The following GBE1 variants were observed in gnomAD, a reference collection of about 807,000 sequenced individuals.
GBE1 encodes the protein 1,4-alpha-glucan-branching enzyme.
GBE1 carries 70 observed loss-of-function variants against 88.8 expected under a neutral mutation model. The ratio of observed to expected loss-of-function variants is 0.79; its 90% CI spans 0.65 to 0.96. The LOEUF (loss-of-function observed/expected upper bound fraction) is 0.96. Among genes scored for constraint, GBE1 ranks in the 40% least tolerant of loss-of-function variants. The probability of loss-of-function intolerance (pLI) is 0.00; values close to 1 mark genes in which losing one functional copy is unlikely to be tolerated. For synonymous variants in GBE1, 284 were observed against 300.1 expected (o/e 0.95, Z 0.56); for missense variants, 872 against 871.0 (o/e 1.00, Z -0.01).
chr3:81,504,207 A>T (rs747335139), intron 14 of GBE1, among the ~76,000 whole-genome samples: 4 of 152,196 alleles, frequency 2.6e-5, no homozygotes, highest in Non-Finnish European at 4.4e-5. Context: ...AATATCCAAA[A>T]CATATCACAT....
At chr3:81,693,839 A>C (rs1266687755) in intron 2 of GBE1, among the ~76,000 whole-genome samples, 1 of 152,130 alleles carries the variant, frequency 6.6e-6, no homozygotes, top group East Asian at 1.9e-4. Context: ...AGGAAAATAC[A>C]ATTTTAACAG....
intron 1 of GBE1, among the ~76,000 whole-genome samples, chr3:81,721,440 C>T (rs1473988764): frequency 6.6e-6 from 1 of 151,866 alleles, no homozygotes; most frequent in Non-Finnish European, 1.5e-5. Context: ...AGTGCTCTGA[C>T]CAGACATACT....
At chr3:81,654,158 CAA>C in intron 3 of GBE1, among the ~76,000 whole-genome samples, 1 of 152,100 alleles carries the variant, frequency 6.6e-6, no homozygotes. Context: ...AGGTTATCAT[CAA>C]AAGACATTAT....
chr3:81,621,315 A>T (rs185923949), intron 7 of GBE1, among the ~76,000 whole-genome samples: 48 of 152,264 alleles, frequency 3.2e-4, no homozygotes, highest in Admixed American at 3.1e-3. Context: ...AATAGATTCG[A>T]CCTAGAAAAT....
At chr3:81,491,590 G>C (rs940998009) in intron 15 of GBE1, among the ~76,000 whole-genome samples, 1 of 152,130 alleles carries the variant, frequency 6.6e-6, no homozygotes, top group Non-Finnish European at 1.5e-5. Context: ...ACTTATCTAA[G>C]TATTAACAAA....
intron 7 of GBE1, among the ~76,000 whole-genome samples, chr3:81,610,696 A>C (rs1317257636): frequency 1.3e-5 from 2 of 152,184 alleles, no homozygotes; most frequent in African/African-American, 2.4e-5. Context: ...CTGTGACTGC[A>C]GGTGGCTCTA....
chr3:81,721,561 G>A (rs540158224), intron 1 of GBE1, among the ~76,000 whole-genome samples: 29 of 152,178 alleles, frequency 1.9e-4, no homozygotes, highest in African/African-American at 5.8e-4. Flanking sequence ...CTGAGTTCAC[G>A]GAGAGCTTTG....
intron 12 of GBE1, among the ~76,000 whole-genome samples, chr3:81,546,733 A>G (rs753743173): frequency 2.0e-5 from 3 of 151,558 alleles, no homozygotes; most frequent in Non-Finnish European, 4.4e-5. Context: ...TGTTTAGCAT[A>G]TAATCAAGAA....
intron 12 of GBE1, among the ~76,000 whole-genome samples, chr3:81,555,522 C>A: frequency 6.6e-6 from 1 of 152,200 alleles, no homozygotes; most frequent in East Asian, 1.9e-4. Context: ...CTAACAGTTT[C>A]ATTACTTAAA....
intron 1 of GBE1, among the ~76,000 whole-genome samples, chr3:81,725,136 T>C (rs937858070): frequency 8.5e-5 from 13 of 152,194 alleles, no homozygotes; most frequent in African/African-American, 3.1e-4. Flanking sequence ...TGTCACAGGC[T>C]ACGCTAAATT....
At position 81,581,268 on chromosome 3, in the gene GBE1, T is replaced by G; in HGVS notation, c.1343A>C (p.Lys448Thr). The stretch of plus-strand genomic sequence containing the variant: ...GTTCCAGTCTTCATCTTTAAACTCT[T>G]TAAGTAGCTAGACACAAGAGAGAAA... Reference protein sequence around the residue: ...AIPDKWIQLLKEFKDEDWNMG... With the variant: ...AIPDKWIQLLTEFKDEDWNMG... The change falls in exon 11 of 16, where the codon AAA (lysine) becomes ACA (threonine). Residue 448 changes from lysine to threonine, a missense_variant. Physicochemically the swap from Lys to Thr is moderately conservative, Grantham distance 78. Coordinates refer to ENST00000429644, the MANE Select transcript of GBE1 (RefSeq NM_000158.4). 6.4e-7 allele frequency: 1 copy of G among 1,559,896 alleles called. No homozygotes were observed. The highest frequency in any genetic ancestry group is 2.3e-5 in the East Asian group (1 of 44,106).
intron 12 of GBE1, among the ~76,000 whole-genome samples, chr3:81,539,685 C>T (rs971362936): frequency 4.0e-5 from 6 of 151,816 alleles, no homozygotes; most frequent in Admixed American, 2.6e-4. Context: ...GACTGAATGG[C>T]GACAGTGAGG....
intron 10 of GBE1, among the ~76,000 whole-genome samples, chr3:81,581,855 T>C (rs560090394): frequency 1.2e-4 from 19 of 152,248 alleles, no homozygotes; most frequent in Admixed American, 6.6e-4. Context: ...ACTATACTTT[T>C]ATGCAACTGA....
At chr3:81,686,469 G>A (rs1260191708) in intron 2 of GBE1, among the ~76,000 whole-genome samples, 1 of 152,012 alleles carries the variant, frequency 6.6e-6, no homozygotes, top group East Asian at 1.9e-4. Flanking sequence ...AAATTTTAAA[G>A]ACACTGGCCG....
intron 14 of GBE1, among the ~76,000 whole-genome samples, chr3:81,521,351 T>C (rs1371908326): frequency 6.6e-6 from 1 of 151,676 alleles, no homozygotes; most frequent in East Asian, 1.9e-4. Context: ...ACATGCAATC[T>C]TGCCATGGTA....
rs1455510852 is a variant in GBE1, at chr3:81,722,894, GTGTA to G, written c.144-17285_144-17282del. The stretch of plus-strand genomic sequence containing the variant: ...GGCACACACACGTGTGTGTGTGTGT[GTGTA>G]TATATATATATATATATACACACAA... On this transcript the variant is annotated intron_variant, in intron 1 of 15. Transcript: ENST00000429644. Among the ~76,000 whole-genome samples, 8 of 135,040 alleles carry G rather than the reference GTGTA, an allele frequency of 5.9e-5. No individual in the cohort carries two copies. The South Asian group carries it at 6.8e-4, about 11-fold the overall frequency. 88.6% of individuals were successfully genotyped at this position (135,040 alleles called of 152,430 possible). A position where few individuals can be genotyped will look rare whatever the true frequency, so the allele number is the denominator to read the frequency against.
At chr3:81,749,713 C>T (rs1706469003) in intron 1 of GBE1, among the ~76,000 whole-genome samples, 1 of 152,190 alleles carries the variant, frequency 6.6e-6, no homozygotes, top group African/African-American at 2.4e-5. Flanking sequence ...ATTACCACTG[C>T]AGCAAACTTA....
intron 1 of GBE1, among the ~76,000 whole-genome samples, chr3:81,756,756 T>C (rs1049945065): frequency 9.2e-5 from 14 of 152,132 alleles, no homozygotes; most frequent in Non-Finnish European, 1.9e-4. Flanking sequence ...AAGCAAAGAA[T>C]GCTTAGGCAG....
chr3:81,697,618 T>C (rs577385599), intron 2 of GBE1, among the ~76,000 whole-genome samples: 11 of 152,292 alleles, frequency 7.2e-5, no homozygotes, highest in African/African-American at 2.6e-4. Flanking sequence ...ACAACTTCTA[T>C]GCCCTCTCTG....
Sources: allele counts gnomAD v4.1 joint callset (sites outside exome capture counted in the v4.1 genomes callset), GRCh38; gene constraint gnomAD v4.1.1; transcripts MANE v1.5; gene names NCBI Gene and HGNC (gene_info 2026-07-23, HGNC 2026-07-21).